ANKRD28: variants seen among roughly 807,000 people sequenced by gnomAD.
ANKRD28 encodes serine/threonine-protein phosphatase 6 regulatory ankyrin repeat subunit A.
A neutral mutation model predicts 126.5 loss-of-function variants in ANKRD28; 44 were observed. That is an observed-to-expected ratio of 0.35 (90% CI 0.27 to 0.45). The LOEUF (loss-of-function observed/expected upper bound fraction) is 0.45. Ranked by LOEUF, ANKRD28 falls within the 20% of genes least tolerant of loss-of-function variation. The pLI is 1.00. For synonymous variants in ANKRD28, 442 were observed against 468.5 expected (o/e 0.94, Z 0.73); for missense variants, 1,110 against 1,316.6 (o/e 0.84, Z 2.43).
At chr3:15,803,476 G>T (rs1412407882) in intron 1 of ANKRD28, among the ~76,000 whole-genome samples, 1 of 152,090 alleles carries the variant, frequency 6.6e-6, no homozygotes, top group Admixed American at 6.5e-5. Context: ...AATTAGCTGG[G>T]TGTGGTGGCG....
chr3:15,723,642 T>TA (rs2073946570), intron 7 of ANKRD28, among the ~76,000 whole-genome samples: 1 of 151,982 alleles, frequency 6.6e-6, no homozygotes, highest in Non-Finnish European at 1.5e-5. Flanking sequence ...TAAAAAAAAT[T>TA]AGCCTGTAGT....
chr3:15,727,378 C>T (rs2074245764), intron 6 of ANKRD28, among the ~76,000 whole-genome samples: 1 of 151,678 alleles, frequency 6.6e-6, no homozygotes, highest in African/African-American at 2.4e-5. Flanking sequence ...ACCAGCCTGG[C>T]CAACATGGTG....
In ANKRD28 at chr3:15,695,414, A is replaced by G. The variant is rs1217274294; in HGVS notation, c.1660-200T>C. ...ACATAGGTCTAAAATTTTGGTGTGA[A>G]TATCCATAACGTAGGAAAATAGTTA... On this transcript the variant is annotated intron_variant, in intron 15 of 27. Coordinates refer to ENST00000683139, the MANE Select transcript of ANKRD28 (RefSeq NM_001349278.2). 2.6e-5 allele frequency among the ~76,000 whole-genome samples: 4 copies of G among 152,138 alleles called. No individual in the cohort carries two copies. The East Asian group carries it at 7.7e-4, about 29-fold the overall frequency.
intron 4 of ANKRD28, chr3:15,738,913 C>T (rs1425419763): frequency 2.6e-5 from 4 of 152,118 alleles, no homozygotes; most frequent in Non-Finnish European, 4.4e-5. Flanking sequence ...TAGAGACCTC[C>T]CCCTAGGAAT....
intron 21 of ANKRD28, among the ~76,000 whole-genome samples, chr3:15,681,125 T>C (rs2067495882): frequency 6.6e-6 from 1 of 152,204 alleles, no homozygotes. Context: ...ACAGGTCCCT[T>C]GTACAAAATG....
intron 14 of ANKRD28, among the ~76,000 whole-genome samples, chr3:15,697,815 C>A (rs1254706910): frequency 6.6e-6 from 1 of 152,146 alleles, no homozygotes; most frequent in African/African-American, 2.4e-5. Context: ...GGTACCAGCT[C>A]CTCTTTGTAC....
intron 2 of ANKRD28, among the ~76,000 whole-genome samples, chr3:15,786,368 A>G (rs2059778818): frequency 6.6e-6 from 1 of 152,124 alleles, no homozygotes; most frequent in Non-Finnish European, 1.5e-5. Context: ...TATTACAAAA[A>G]AAAAGCCAGA....
rs572023147 is a variant in ANKRD28 at position 15,839,471 on chromosome 3, A to C, written c.27+19906T>G. Among the ~76,000 whole-genome samples, 12 of 152,168 alleles carry C rather than the reference A, an allele frequency of 7.9e-5. No individual in the cohort carries two copies. The highest frequency in any genetic ancestry group is 1.6e-4 in the Non-Finnish European group (11 of 68,026). On this transcript the variant is annotated intron_variant, in intron 1 of 27. Coordinates refer to the ANKRD28 transcript ENST00000399451. The surrounding 1 kb of genome is among the most constrained non-coding windows in gnomAD (Gnocchi z 4.3). ...CACACAGGAACACCAAACCAATGAA[A>C]ACTATAATCACATTTCAGAATCAAT...
At chr3:15,711,100 T>G (rs1214987873) in intron 12 of ANKRD28, 111 bp downstream of exon 12, 15 of 934,608 alleles carry the variant, frequency 1.6e-5, no homozygotes, top group Non-Finnish European at 2.4e-5. Flanking sequence ...AACTCCTGTT[T>G]TGTTTTCTAT....
rs921321349 is a variant in ANKRD28, at chr3:15,839,082, T to A, written c.27+20295A>T. On this transcript the variant is annotated intron_variant, in intron 1 of 27. Transcript: ENST00000399451. The surrounding 1 kb of genome is among the most constrained non-coding windows in gnomAD (Gnocchi z 4.3). Reference sequence around the variant, plus strand: ...TTTATAAAATAAAACCATTATTCAATGGTGGCCTGGGGCTGGAGGTGGGAC... The same window carrying A: ...TTTATAAAATAAAACCATTATTCAAAGGTGGCCTGGGGCTGGAGGTGGGAC... Among the ~76,000 whole-genome samples the A allele has an allele frequency of 1.3e-5, 2 of 152,138 alleles. No homozygotes were observed. Among genetic ancestry groups the A allele is most frequent in the East Asian group, 3.8e-4 (2 of 5,198 alleles).
intron 6 of ANKRD28, among the ~76,000 whole-genome samples, chr3:15,734,530 C>G (rs1559431478): frequency 6.6e-6 from 1 of 152,118 alleles, no homozygotes; most frequent in Non-Finnish European, 1.5e-5. Context: ...AGAAAAAAAG[C>G]CCTGAGCTCT....
At chr3:15,727,365 G>A (rs543041417) in intron 6 of ANKRD28, among the ~76,000 whole-genome samples, 3 of 151,706 alleles carry the variant, frequency 2.0e-5, no homozygotes, top group East Asian at 1.9e-4. Flanking sequence ...TCAGCAGTTC[G>A]AGACCAGCCT....
In ANKRD28 at chr3:15,830,245, C is replaced by T. The variant is rs1030644314; in HGVS notation, c.27+29132G>A. Among the ~76,000 whole-genome samples the T allele has an allele frequency of 3.3e-5, 5 of 152,166 alleles. No individual in the cohort carries two copies. The highest frequency in any genetic ancestry group is 1.2e-4 in the African/African-American group (5 of 41,444). The stretch of plus-strand genomic sequence containing the variant: ...ATATAACATTTTATTATTATGATAA[C>T]AGTTTTGACTTTAGGGACTCCCAGG... On this transcript the variant is annotated intron_variant, in intron 1 of 27. Transcript: ENST00000399451. This position sits in a 1 kb window ranked among gnomAD's most constrained non-coding sequence, Gnocchi z 4.5.
At chr3:15,851,047 T>C (rs946262076) in intron 1 of ANKRD28, among the ~76,000 whole-genome samples, 8 of 152,162 alleles carry the variant, frequency 5.3e-5, no homozygotes, top group African/African-American at 1.7e-4. Context: ...CCTTGGTATG[T>C]GGGGGAAAAC....
chr3:15,711,345 T>C (rs1228609549), intron 11 of ANKRD28, 71 bp from the exon 12 acceptor site: 3 of 1,329,468 alleles, frequency 2.3e-6, no homozygotes, highest in Admixed American at 3.6e-5. Flanking sequence ...TCATGAAACA[T>C]CAAGAATCAC....
At position 15,766,287 on chromosome 3, in the gene ANKRD28, T is replaced by C. The variant is rs769421677; in HGVS notation, c.227A>G (p.His76Arg). 6.2e-7 allele frequency: 1 copy of C among 1,611,376 alleles called. No homozygotes were observed. The highest frequency in any genetic ancestry group is 8.5e-7 in the Non-Finnish European group (1 of 1,178,300). The change falls in exon 3 of 28, where the codon CAC (histidine) becomes CGC (arginine). Residue 76 changes from histidine (H) to arginine (R), a missense_variant. Coordinates refer to ENST00000683139, the MANE Select transcript of ANKRD28 (RefSeq NM_001349278.2). ...TGCATCTCCAAGGTAAGCTGCGGCG[T>C]GCAATGGGGTTCGCTTTTCATTGTC... ...FQDNEKRTPL[H>R]AAAYLGDAEI...
intron 2 of ANKRD28, among the ~76,000 whole-genome samples, 160 bp downstream of exon 2, chr3:15,795,063 A>G (rs1441043279): frequency 6.6e-6 from 1 of 152,144 alleles, no homozygotes; most frequent in East Asian, 1.9e-4. Context: ...TGCCCTGAGT[A>G]TATGTCCAGT....
rs141711944 is a variant in ANKRD28 at position 15,668,917 on chromosome 3, C to T, written c.*1353G>A. 14 of 152,666 alleles carry T rather than the reference C, an allele frequency of 9.2e-5. 1 individual carries two copies. The highest frequency in any genetic ancestry group is 3.4e-4 in the African/African-American group (14 of 41,538). 9.5% of individuals were successfully genotyped at this position (152,666 alleles called of 1,614,324 possible). A position where few individuals can be genotyped will look rare whatever the true frequency, so the allele number is the denominator to read the frequency against. The stretch of plus-strand genomic sequence containing the variant: ...AGAACTTTACCCATACCTGTAAGAC[C>T]CTCAATGTATATGAAATCATTTTCA... On this transcript the variant is annotated 3_prime_UTR_variant, in exon 28 of 28. Coordinates refer to ENST00000683139, the MANE Select transcript of ANKRD28 (RefSeq NM_001349278.2).
chr3:15,749,363 C>T (rs189779439), intron 4 of ANKRD28, among the ~76,000 whole-genome samples: 14 of 152,054 alleles, frequency 9.2e-5, no homozygotes, highest in African/African-American at 2.9e-4. Context: ...CCACCCGCCT[C>T]GGCCTCCCAA....
Sources: allele counts gnomAD v4.1 joint callset (sites outside exome capture counted in the v4.1 genomes callset), GRCh38; gene constraint gnomAD v4.1.1; non-coding constraint Gnocchi (gnomAD v3.1); transcripts MANE v1.5; gene names NCBI Gene and HGNC (gene_info 2026-07-23, HGNC 2026-07-21).